Variants in MEGF11 observed in about 807,000 individuals in gnomAD.
MEGF11 encodes the protein multiple EGF like domains 11.
MEGF11 carries 126 observed loss-of-function variants against 146.6 expected under a neutral mutation model. The observed-to-expected ratio is 0.86, with a 90% CI of 0.74 to 1.00. The LOEUF (loss-of-function observed/expected upper bound fraction) is 1.00. MEGF11 is among the 50% of genes least tolerant of loss of function. The pLI is 0.00. For synonymous variants in MEGF11, 532 were observed against 583.4 expected (o/e 0.91, Z 1.27); for missense variants, 1,509 against 1,521.2 (o/e 0.99, Z 0.13).
intron 2 of MEGF11, among the ~76,000 whole-genome samples, chr15:66,127,477 C>T (rs991163968): frequency 2.0e-5 from 3 of 152,318 alleles, no homozygotes; most frequent in African/African-American, 2.4e-5. Context: ...GCATGAAGCA[C>T]GGACCCCCGC....
chr15:65,922,803 G>T lies in MEGF11; in HGVS notation c.1822+20C>A, dbSNP rs376540150. 7 of 1,613,184 alleles carry T rather than the reference G, an allele frequency of 4.3e-6. No individual in the cohort carries two copies. In the African/African-American group the frequency reaches 9.3e-5, roughly 22 times the overall value. ...AGGATTAGCCCTCTGAGCTCTTCGG[G>T]GTCAGGGGATTAGCCTTACTTCTCT... is the stretch of plus-strand genomic sequence containing the variant. On this transcript the variant is annotated intron_variant, in intron 14 of 25. Transcript: ENST00000395614.
At chr15:66,225,496 G>C (rs1321142648) in intron 1 of MEGF11, among the ~76,000 whole-genome samples, 2 of 152,182 alleles carry the variant, frequency 1.3e-5, no homozygotes, top group Admixed American at 6.5e-5. Context: ...CCTTAACTGG[G>C]TCTGGAAAAT....
intron 1 of MEGF11, among the ~76,000 whole-genome samples, chr15:66,138,920 G>A (rs1233442815): frequency 6.6e-6 from 1 of 152,170 alleles, no homozygotes; most frequent in Non-Finnish European, 1.5e-5. Flanking sequence ...GTGCACAGGG[G>A]GAATGAGTAT....
chr15:65,937,280 G>A lies in MEGF11; in HGVS notation c.1288-6337C>T, dbSNP rs117816154. ...GGAGAAAAGGCCAGGATGAGAGCCA[G>A]GGTTGTGAGCTGGGGAGTTTGCATT... On this transcript the variant is annotated intron_variant, in intron 10 of 25. Coordinates refer to ENST00000395614, the MANE Select transcript of MEGF11 (RefSeq NM_001385028.1). 2.1e-4 allele frequency among the ~76,000 whole-genome samples: 32 copies of A among 152,308 alleles called. 1 individual carries two copies. In the East Asian group the frequency reaches 6.2e-3, roughly 29 times the overall value.
In MEGF11 at chr15:65,917,967, C is replaced by T; in HGVS notation, c.2085G>A (p.Gln695=). The T allele has an allele frequency of 6.2e-7, 1 of 1,614,016 alleles. No individual in the cohort carries two copies. Among genetic ancestry groups the T allele is most frequent in the South Asian group, 1.1e-5 (1 of 91,086 alleles). The change falls in exon 16 of 26, where the codon CAG becomes CAA. Residue 695 remains glutamine (Q), a splice_region_variant and synonymous_variant. Coordinates refer to ENST00000395614, the MANE Select transcript of MEGF11 (RefSeq NM_001385028.1). ...FPGWIGKDCS[Q]ACPPGFWGPA... is the part of the protein sequence containing the mutation. ...CATTCCCAGGTGGCAGCAGCTTACC[C>T]TGTGAGCAGTCCTTGCCAATCCATC...
intron 5 of MEGF11, among the ~76,000 whole-genome samples, chr15:66,088,813 T>C (rs1047641874): frequency 6.6e-6 from 1 of 152,086 alleles, no homozygotes; most frequent in Non-Finnish European, 1.5e-5. Context: ...AGAAAGCAGA[T>C]TGTTGGTTGC....
intron 4 of MEGF11, among the ~76,000 whole-genome samples, chr15:66,109,815 G>A (rs1300765591): frequency 1.3e-4 from 20 of 152,140 alleles, no homozygotes; most frequent in Admixed American, 1.0e-3. Flanking sequence ...CTCCCTAAGA[G>A]GTCTCTCAGT....
At position 65,909,773 on chromosome 15, in the gene MEGF11, C is replaced by T; in HGVS notation, c.2863G>A (p.Gly955Ser). 1 of 1,585,476 alleles carries T rather than the reference C, an allele frequency of 6.3e-7. No individual in the cohort carries two copies. ...TTCACATAGCTGTAGGGGGTCCAGC[C>T]TGCTGTGTCTCTGTCAAGGGACTTG... ...SNKSLDRDTA[G>S]WTPYSYVNVL... The change falls in exon 22 of 26, where the codon GGC becomes AGC. Residue 955 changes from glycine (G) to serine (S), a missense_variant. Transcript: ENST00000395614.
rs886336712 is a variant in MEGF11 at position 65,982,988 on chromosome 15, C to A, written c.395-500G>T. Among the ~76,000 whole-genome samples, 1 of 152,058 alleles carries A rather than the reference C, an allele frequency of 6.6e-6. No homozygotes were observed. Among genetic ancestry groups the A allele is most frequent in the East Asian group, 1.9e-4 (1 of 5,180 alleles). ...CTCCCATTTCTCTATCTTTCCTGCC[C>A]GCTTCTCCCTCTTCCCCACACGCAT... is the stretch of plus-strand genomic sequence containing the variant. On this transcript the variant is annotated intron_variant, in intron 5 of 25. Coordinates refer to ENST00000395614, the MANE Select transcript of MEGF11 (RefSeq NM_001385028.1). The surrounding 1 kb of genome is among the most constrained non-coding windows in gnomAD (Gnocchi z 5.6).
chr15:65,960,593 G>A (rs1439039739), intron 9 of MEGF11, among the ~76,000 whole-genome samples: 4 of 152,252 alleles, frequency 2.6e-5, no homozygotes, highest in African/African-American at 9.6e-5. Context: ...TGACATGCTT[G>A]AACCTAGGAA....
In MEGF11 at chr15:66,064,864, A is replaced by G. The variant is rs571776914; in HGVS notation, c.394+29538T>C. On this transcript the variant is annotated intron_variant, in intron 5 of 25. Transcript: ENST00000395614. Reference sequence around the variant, plus strand: ...ATTTTTATATGGTTTTTTAAGTGCTATTGTTCCATCATCTTATAGACAGGG... The same window carrying G: ...ATTTTTATATGGTTTTTTAAGTGCTGTTGTTCCATCATCTTATAGACAGGG... 2.0e-5 allele frequency among the ~76,000 whole-genome samples: 3 copies of G among 152,126 alleles called. No homozygotes were observed. The East Asian group carries it at 5.8e-4, about 29-fold the overall frequency.
intron 1 of MEGF11, among the ~76,000 whole-genome samples, chr15:66,252,104 G>T (rs1015515112): frequency 6.6e-6 from 1 of 152,154 alleles, no homozygotes; most frequent in African/African-American, 2.4e-5. Flanking sequence ...CCGGGGCTCC[G>T]CTGGCTCCGA....
chr15:66,198,652 AT>A (rs34986709), intron 1 of MEGF11, among the ~76,000 whole-genome samples: 60,163 of 151,722 alleles, frequency 0.4, 12,364 homozygotes, highest in East Asian at 0.59. Context: ...CACCTGGCTA[AT>A]TTTTTTGTTT....
chr15:66,006,238 C>CTG (rs2082516985), intron 5 of MEGF11, among the ~76,000 whole-genome samples: 1 of 152,172 alleles, frequency 6.6e-6, no homozygotes, highest in Admixed American at 6.5e-5. Flanking sequence ...GGGGCTCTGG[C>CTG]TGCTGTTCTA....
intron 5 of MEGF11, among the ~76,000 whole-genome samples, chr15:66,054,420 C>T (rs1567220247): frequency 1.3e-5 from 2 of 152,206 alleles, no homozygotes; most frequent in Non-Finnish European, 1.5e-5. Context: ...CTCCAACATT[C>T]CCAGACTACC....
chr15:65,922,263 G>A (rs956490679), intron 15 of MEGF11, 75 bp downstream of exon 15: 35 of 1,537,302 alleles, frequency 2.3e-5, no homozygotes, highest in Non-Finnish European at 2.6e-5. Context: ...AAATCCCCAA[G>A]CCCTTCCTTC....
chr15:66,045,553 C>T (rs1218135432), intron 5 of MEGF11, among the ~76,000 whole-genome samples: 2 of 152,200 alleles, frequency 1.3e-5, no homozygotes, highest in African/African-American at 2.4e-5. Flanking sequence ...TACTCCATTT[C>T]CCCTTGTAGC....
chr15:66,033,707 G>C (rs984564426), intron 5 of MEGF11, among the ~76,000 whole-genome samples: 1 of 152,274 alleles, frequency 6.6e-6, no homozygotes, highest in African/African-American at 2.4e-5. Context: ...CAGACTGCAA[G>C]ACACGGAGTC....
At chr15:66,179,547 C>T in intron 1 of MEGF11, among the ~76,000 whole-genome samples, 1 of 152,158 alleles carries the variant, frequency 6.6e-6, no homozygotes, top group East Asian at 1.9e-4. Context: ...TCTGAATCTC[C>T]ATTCACCCTG....
Sources: gnomAD v4.1 joint callset for allele counts (sites outside exome capture counted in the v4.1 genomes callset) on GRCh38, gnomAD v4.1.1 for gene constraint, Gnocchi (gnomAD v3.1) non-coding constraint, MANE v1.5 for transcripts, NCBI Gene and HGNC (gene_info 2026-07-23, HGNC 2026-07-21) for gene names.